NWD2: variants seen among roughly 807,000 people sequenced by gnomAD.
The protein encoded by NWD2 is NACHT and WD repeat domain-containing protein 2.
In NWD2, 37 loss-of-function variants were observed where a neutral mutation model predicts 132.7. That is an observed-to-expected ratio of 0.28 (90% CI 0.21 to 0.37). NWD2 has a LOEUF of 0.37. Ranked by LOEUF, NWD2 falls within the 10% of genes least tolerant of loss-of-function variation. The probability of loss-of-function intolerance (pLI) is 1.00; values close to 1 mark genes in which losing one functional copy is unlikely to be tolerated. For missense variants in NWD2, 1,592 were observed against 2,122.4 expected (o/e 0.75, Z 4.91); for synonymous variants, 705 against 803.0 (o/e 0.88, Z 2.06).
chr4:37,276,129 T>C lies in NWD2; in HGVS notation c.151+30911T>C, dbSNP rs187338984. ...CTAATTAAACTAAAGAGCTTCTGCA[T>C]AGCAAAAAAAACTACCATTGGAGTG... On this transcript the variant is annotated intron_variant, in intron 1 of 6. Coordinates refer to ENST00000309447, the MANE Select transcript of NWD2 (RefSeq NM_001144990.2). Among the ~76,000 whole-genome samples, 1,289 of 152,032 alleles carry C rather than the reference T, an allele frequency of 8.5e-3. 17 individuals carry two copies. Among genetic ancestry groups the C allele is most frequent in the African/African-American group, 0.03 (1,229 of 41,490 alleles).
chr4:37,427,159 A>T (rs1291537056), intron 3 of NWD2, among the ~76,000 whole-genome samples: 1 of 152,046 alleles, frequency 6.6e-6, no homozygotes, highest in East Asian at 1.9e-4. Context: ...ACCAAACTCC[A>T]TCTGTATACT....
chr4:37,386,928 C>G (rs13112560), intron 3 of NWD2, among the ~76,000 whole-genome samples: 1 of 152,196 alleles, frequency 6.6e-6, no homozygotes, highest in Non-Finnish European at 1.5e-5. Context: ...ATTGAAAGCT[C>G]CCTGAAGCCT....
intron 3 of NWD2, among the ~76,000 whole-genome samples, chr4:37,427,093 CA>C (rs1245954709): frequency 6.6e-6 from 1 of 151,610 alleles, no homozygotes; most frequent in Non-Finnish European, 1.5e-5. Context: ...GGAGTGTTGT[CA>C]ATTACTAAAT....
At chr4:37,383,007 T>A (rs1243042257) in intron 3 of NWD2, among the ~76,000 whole-genome samples, 1 of 152,118 alleles carries the variant, frequency 6.6e-6, no homozygotes, top group East Asian at 1.9e-4. Context: ...TGAAAAAAAC[T>A]CCTGAGCTGA....
chr4:37,445,421 G>A lies in NWD2; in HGVS notation c.3433G>A (p.Val1145Met). 1 of 1,551,922 alleles carries A rather than the reference G, an allele frequency of 6.4e-7. No individual in the cohort carries two copies. The highest frequency in any genetic ancestry group is 2.4e-5 in the East Asian group (1 of 40,924). The change falls in exon 7 of 7, where the codon GTG (valine) becomes ATG (methionine). Residue 1145 changes from valine to methionine, a missense_variant. By Grantham distance (21) the Val-to-Met change is conservative. Around this residue, in one of 7 missense-constraint regions of NWD2, gnomAD observed 1,071 missense variants for 1,398.0 expected, o/e 0.77. Transcript: ENST00000309447. The surrounding 1 kb of genome is among the most constrained non-coding windows in gnomAD (Gnocchi z 4.7). ...GACATCAGAATTTTCAGGTGGATTT[G>A]TGAAGTTTCTTCTTATCTTGGACAC... is the stretch of plus-strand genomic sequence containing the variant. ...TVTSEFSGGF[V>M]KFLLILDTAQ...
chr4:37,245,127 G>T lies in NWD2; in HGVS notation c.60G>T (p.Arg20=). ...GTCCCCGAGACTCTGCGCTCCGGCG[G>T]GCGGCTTTCTCTGGGAACCTCACGG... The part of the protein sequence containing the change: ...LPCPRDSALR[R]AAFSGNLTAL... The change falls in exon 1 of 7, where the codon CGG becomes CGT. Residue 20 remains arginine, a synonymous_variant. Coordinates refer to ENST00000309447, the MANE Select transcript of NWD2 (RefSeq NM_001144990.2). 1 of 1,547,978 alleles carries T rather than the reference G, an allele frequency of 6.5e-7. No homozygotes were observed.
At chr4:37,437,809 G>T (rs1712361033) in intron 5 of NWD2, among the ~76,000 whole-genome samples, 1 of 152,114 alleles carries the variant, frequency 6.6e-6, no homozygotes, top group Non-Finnish European at 1.5e-5. Flanking sequence ...GTACTTGTGT[G>T]CAAGCATATG....
intron 2 of NWD2, among the ~76,000 whole-genome samples, chr4:37,332,816 A>G (rs1236974406): frequency 6.6e-6 from 1 of 152,108 alleles, no homozygotes; most frequent in Non-Finnish European, 1.5e-5. Flanking sequence ...CTTGGCTCTC[A>G]GATGGTATTT....
chr4:37,303,039 C>T (rs1344095228), intron 1 of NWD2, among the ~76,000 whole-genome samples: 2 of 152,128 alleles, frequency 1.3e-5, no homozygotes, highest in African/African-American at 4.8e-5. Context: ...AGATCAGTGT[C>T]CTTAAGTATT....
chr4:37,319,089 T>C (rs4599424), intron 1 of NWD2, among the ~76,000 whole-genome samples: 128,470 of 152,214 alleles, frequency 0.84, 54,762 homozygotes, highest in African/African-American at 0.93. Flanking sequence ...AATTTACATT[T>C]GCACCAACAG....
chr4:37,397,201 A>C (rs542518366), intron 3 of NWD2, among the ~76,000 whole-genome samples: 2 of 152,258 alleles, frequency 1.3e-5, no homozygotes, highest in African/African-American at 4.8e-5. Flanking sequence ...TTCTCATTAC[A>C]GTGTTGCAAT....
chr4:37,278,631 C>A (rs1718070582), intron 1 of NWD2, among the ~76,000 whole-genome samples: 1 of 152,174 alleles, frequency 6.6e-6, no homozygotes, highest in Admixed American at 6.5e-5. Flanking sequence ...AAATGCATTG[C>A]TGCATTTGTG....
In NWD2 at chr4:37,274,666, G is replaced by A. The variant is rs1334718482; in HGVS notation, c.151+29448G>A. On this transcript the variant is annotated intron_variant, in intron 1 of 6. Transcript: ENST00000309447. ...TAGACCAATATCCCTGATGAACATC[G>A]ATGCAAAAATCCTCAATAAAATACT... Among the ~76,000 whole-genome samples, 12 of 151,800 alleles carry A rather than the reference G, an allele frequency of 7.9e-5. No individual in the cohort carries two copies. The South Asian group carries it at 1.3e-3, about 16-fold the overall frequency.
chr4:37,320,763 C>T (rs1244982335), intron 1 of NWD2, among the ~76,000 whole-genome samples: 1 of 152,140 alleles, frequency 6.6e-6, no homozygotes, highest in Non-Finnish European at 1.5e-5. Context: ...CAGGCAAGAG[C>T]AAATGTACAG....
At chr4:37,405,161 C>T (rs1436030542) in intron 3 of NWD2, among the ~76,000 whole-genome samples, 1 of 152,170 alleles carries the variant, frequency 6.6e-6, no homozygotes, top group Admixed American at 6.5e-5. Flanking sequence ...TGTCACCCAC[C>T]TCTGGGAACC....
chr4:37,446,963 A>G lies in NWD2; in HGVS notation c.4975A>G (p.Thr1659Ala). Residue 1659 changes from threonine to alanine, a missense_variant, in exon 7 of 7, where the codon ACT becomes GCT. Coordinates refer to ENST00000309447, the MANE Select transcript of NWD2 (RefSeq NM_001144990.2). The surrounding 1 kb of genome is among the most constrained non-coding windows in gnomAD (Gnocchi z 6.7). ...TGCTGCACTGAAAATCAAAATTGCC[A>G]CTTCAAATAGCAGACAAATTTTCAA... ...VDAALKIKIA[T>A]SNSRQIFNNA... 1 of 1,551,722 alleles carries G rather than the reference A, an allele frequency of 6.4e-7. No individual in the cohort carries two copies. Among genetic ancestry groups the G allele is most frequent in the Non-Finnish European group, 8.7e-7 (1 of 1,147,008 alleles).
chr4:37,371,072 C>CTTTTCTT (rs1720216990), intron 3 of NWD2, among the ~76,000 whole-genome samples: 1 of 100,526 alleles, frequency 9.9e-6, no homozygotes, highest in Non-Finnish European at 1.9e-5. Context: ...ATTTTTTTTT[C>CTTTTCTT]TTTTTCTTTT....
intron 1 of NWD2, among the ~76,000 whole-genome samples, chr4:37,263,196 T>C (rs1577647795): frequency 6.6e-6 from 1 of 152,232 alleles, no homozygotes; most frequent in East Asian, 1.9e-4. Flanking sequence ...GAACCTGTAA[T>C]TGCAGCAGGA....
intron 3 of NWD2, among the ~76,000 whole-genome samples, chr4:37,381,414 C>T (rs914404285): frequency 6.6e-6 from 1 of 152,128 alleles, no homozygotes; most frequent in Non-Finnish European, 1.5e-5. Context: ...CTTCTCTCAG[C>T]GTCACTGGGA....
Sources: allele counts gnomAD v4.1 joint callset (sites outside exome capture counted in the v4.1 genomes callset), GRCh38; gene constraint gnomAD v4.1.1; regional missense constraint gnomAD v4.1.1; non-coding constraint Gnocchi (gnomAD v3.1); transcripts MANE v1.5; gene names NCBI Gene and HGNC (gene_info 2026-07-23, HGNC 2026-07-21).